The following MAP4K4 variants were observed in gnomAD, a reference collection of about 807,000 sequenced individuals.
MAP4K4 encodes mitogen-activated protein kinase kinase kinase kinase 4.
In MAP4K4, 38 loss-of-function variants were observed where a neutral mutation model predicts 189.6. The ratio of observed to expected loss-of-function variants is 0.20; its 90% CI spans 0.15 to 0.26. The LOEUF is 0.26. Ranked by LOEUF, MAP4K4 falls within the 10% of genes least tolerant of loss-of-function variation. The probability of loss-of-function intolerance (pLI) is 1.00; values close to 1 mark genes in which losing one functional copy is unlikely to be tolerated. For synonymous variants in MAP4K4, 610 were observed against 624.3 expected, an observed-to-expected ratio of 0.98 and a Z score of 0.34; for missense variants, 1,054 against 1,726.9, an observed-to-expected ratio of 0.61 and a Z score of 6.91.
intron 3 of MAP4K4, among the ~76,000 whole-genome samples, chr2:101,801,149 A>C (rs965571530): frequency 6.6e-5 from 10 of 152,068 alleles, no homozygotes; most frequent in Non-Finnish European, 1.2e-4. Context: ...GCGGCTGTAC[A>C]TGCAAAGTTT....
intron 5 of MAP4K4, among the ~76,000 whole-genome samples, chr2:101,828,900 C>A (rs1052339177): frequency 4.6e-5 from 7 of 152,160 alleles, no homozygotes; most frequent in African/African-American, 1.7e-4. Context: ...GATACAAGGT[C>A]ATCAAAAAGT....
intron 2 of MAP4K4, among the ~76,000 whole-genome samples, chr2:101,708,134 G>T (rs1223598990): frequency 6.6e-6 from 1 of 152,138 alleles, no homozygotes; most frequent in East Asian, 1.9e-4. Context: ...TGATAGAAAT[G>T]ATCTCTACTA....
intron 17 of MAP4K4, 72 bp downstream of exon 17, chr2:101,864,123 T>C (rs1306695445): frequency 1.2e-6 from 1 of 852,022 alleles, no homozygotes. Context: ...TTATTTATTT[T>C]AATTATGGGT....
chr2:101,829,965 A>G (rs2096544980), intron 6 of MAP4K4, among the ~76,000 whole-genome samples: 1 of 151,800 alleles, frequency 6.6e-6, no homozygotes, highest in African/African-American at 2.4e-5. Flanking sequence ...TCCTCATTTT[A>G]TGTCCCTCTT....
At chr2:101,843,797 AAAG>A (rs2096997623) in intron 11 of MAP4K4, among the ~76,000 whole-genome samples, 1 of 152,214 alleles carries the variant, frequency 6.6e-6, no homozygotes, top group African/African-American at 2.4e-5. Flanking sequence ...TAGTGAAATC[AAAG>A]AAGGTGATTT....
chr2:101,724,781 A>AT (rs1413776984), intron 2 of MAP4K4, among the ~76,000 whole-genome samples: 1 of 152,156 alleles, frequency 6.6e-6, no homozygotes, highest in Non-Finnish European at 1.5e-5. Context: ...AGAAATCTGT[A>AT]TTTTTTTAAA....
chr2:101,716,116 A>G (rs2048219297), intron 2 of MAP4K4, among the ~76,000 whole-genome samples: 1 of 152,252 alleles, frequency 6.6e-6, no homozygotes. Context: ...TGTTCTAATC[A>G]GATAAATAGC....
At chr2:101,830,332 A>G (rs906668388) in intron 6 of MAP4K4, among the ~76,000 whole-genome samples, 3 of 152,120 alleles carry the variant, frequency 2.0e-5, no homozygotes, top group Non-Finnish European at 2.9e-5. Flanking sequence ...GTGGTTAGAT[A>G]ATTACAGCCC....
chr2:101,798,070 C>A (rs191681854), intron 3 of MAP4K4, among the ~76,000 whole-genome samples: 2 of 150,950 alleles, frequency 1.3e-5, no homozygotes, highest in African/African-American at 4.9e-5. Context: ...CAGGAGTGTG[C>A]CACCTACAAT....
At chr2:101,870,439 AG>A in intron 23 of MAP4K4, 24 bp downstream of exon 23, 1 of 1,612,330 alleles carries the variant, frequency 6.2e-7, no homozygotes, top group Non-Finnish European at 8.5e-7. Context: ...CTCTGTTGTC[AG>A]AGGCTGAGCT....
chr2:101,880,432 C>T (rs1266167465), intron 27 of MAP4K4, among the ~76,000 whole-genome samples: 1 of 151,884 alleles, frequency 6.6e-6, no homozygotes, highest in Non-Finnish European at 1.5e-5. Flanking sequence ...GTTGCAGCAG[C>T]ATTCATTAAA....
chr2:101,702,283 C>A (rs1309610796), intron 2 of MAP4K4, among the ~76,000 whole-genome samples: 1 of 152,106 alleles, frequency 6.6e-6, no homozygotes, highest in African/African-American at 2.4e-5. Context: ...AAAAGATTGT[C>A]AACCGGACGC....
chr2:101,814,886 G>C (rs1186699387), intron 3 of MAP4K4, among the ~76,000 whole-genome samples: 2 of 152,148 alleles, frequency 1.3e-5, no homozygotes, highest in Non-Finnish European at 2.9e-5. Flanking sequence ...AAAAGGTAAG[G>C]TAAACCATGA....
At chr2:101,775,499 C>T (rs1195755800) in intron 2 of MAP4K4, among the ~76,000 whole-genome samples, 1 of 151,914 alleles carries the variant, frequency 6.6e-6, no homozygotes, top group East Asian at 1.9e-4. Context: ...TCTGTGTTTA[C>T]AAATTACTGA....
chr2:101,768,414 G>T (rs893710123), intron 2 of MAP4K4, among the ~76,000 whole-genome samples: 5 of 152,198 alleles, frequency 3.3e-5, no homozygotes, highest in African/African-American at 7.2e-5. Flanking sequence ...AATGAGTCCT[G>T]CATGCTGTTC....
chr2:101,822,154 C>T (rs2096096224), intron 3 of MAP4K4, among the ~76,000 whole-genome samples: 1 of 152,100 alleles, frequency 6.6e-6, no homozygotes, highest in East Asian at 1.9e-4. Flanking sequence ...CTTTAATAAA[C>T]AATAAAAGTA....
chr2:101,886,128 A>G (rs942207103), intron 29 of MAP4K4, among the ~76,000 whole-genome samples: 1 of 152,246 alleles, frequency 6.6e-6, no homozygotes, highest in Non-Finnish European at 1.5e-5. Context: ...AATAAATCCA[A>G]GTGTTACTGA....
In MAP4K4 at chr2:101,751,499, T is replaced by C. The variant is rs553654531; in HGVS notation, c.124-39221T>C. Among the ~76,000 whole-genome samples the C allele has an allele frequency of 2.0e-5, 3 of 152,246 alleles. No homozygotes were observed. In the South Asian group the frequency reaches 6.2e-4, roughly 32 times the overall value. On this transcript the variant is annotated intron_variant, in intron 2 of 32. Coordinates refer to ENST00000324219, the Ensembl canonical transcript of MAP4K4. ...GACTCAGACAAAAGGCCAGAGGGGGTGAAACTTTAAGGTGCCTTTCTTCAT... is the reference window on the plus strand; with the variant it reads ...GACTCAGACAAAAGGCCAGAGGGGGCGAAACTTTAAGGTGCCTTTCTTCAT...
chr2:101,890,453 TTTTGTTTG>T (rs766595237), intron 32 of MAP4K4, among the ~76,000 whole-genome samples: 1 of 152,078 alleles, frequency 6.6e-6, no homozygotes, highest in South Asian at 2.1e-4. Context: ...TGTGGGTTGT[TTTTGTTTG>T]TTTGTTTGTT....
Sources: allele counts gnomAD v4.1 joint callset (sites outside exome capture counted in the v4.1 genomes callset), GRCh38; gene constraint gnomAD v4.1.1; transcripts MANE v1.5; gene names NCBI Gene and HGNC (gene_info 2026-07-23, HGNC 2026-07-21).